RAI1: variants seen among roughly 807,000 people sequenced by gnomAD.
RAI1 encodes retinoic acid-induced protein 1.
Under a neutral mutation model 123.8 loss-of-function variants are expected in RAI1, and 9 were observed. The ratio of observed to expected loss-of-function variants is 0.07; its 90% confidence interval spans 0.04 to 0.13. RAI1 has a LOEUF of 0.13. Ranked by LOEUF, RAI1 falls within the 10% of genes least tolerant of loss-of-function variation. RAI1 has a pLI of 1.00. For synonymous variants in RAI1, 1,231 were observed against 1,127.3 expected (o/e 1.09, Z -1.84); for missense variants, 2,256 against 2,545.8 (o/e 0.89, Z 2.45).
chr17:17,694,738 G>A (rs1914956320), intron 1 of RAI1, among the ~76,000 whole-genome samples: 1 of 150,364 alleles, frequency 6.7e-6, no homozygotes, highest in African/African-American at 2.4e-5. Context: ...GGGACCTTCG[G>A]GGCGCTGAGG....
rs149171502 is a variant in RAI1 at position 17,687,199 on chromosome 17, G to A, written c.-149+5406G>A. On this transcript the variant is annotated intron_variant, in intron 1 of 5. Coordinates refer to ENST00000353383, the MANE Select transcript of RAI1 (RefSeq NM_030665.4). ...GTGATCAGGCTGGGGGAGAGAAGGT[G>A]CCCAGAATGCTGTGCAGAGGCAGGA... Among the ~76,000 whole-genome samples, 8 of 152,276 alleles carry A rather than the reference G, an allele frequency of 5.3e-5. No individual in the cohort carries two copies. The East Asian group carries it at 1.4e-3, about 26-fold the overall frequency.
chr17:17,770,432 G>T (rs896245100), intron 2 of RAI1, among the ~76,000 whole-genome samples: 2 of 152,206 alleles, frequency 1.3e-5, no homozygotes, highest in African/African-American at 2.4e-5. Context: ...TGGGATCCTT[G>T]CGTGTGCATA....
chr17:17,766,569 G>A (rs370358876), intron 2 of RAI1, among the ~76,000 whole-genome samples: 2 of 152,224 alleles, frequency 1.3e-5, no homozygotes, highest in Admixed American at 6.5e-5. Flanking sequence ...GCACTGGGGC[G>A]TGCTGGGGCC....
At chr17:17,705,705 G>A (rs1915371208) in intron 1 of RAI1, among the ~76,000 whole-genome samples, 1 of 150,730 alleles carries the variant, frequency 6.6e-6, no homozygotes, top group Non-Finnish European at 1.5e-5. Context: ...TGGCCTGGGC[G>A]ACAGTGCAAG....
chr17:17,761,250 C>G lies in RAI1; in HGVS notation c.-16-31683C>G, dbSNP rs377634505. Among the ~76,000 whole-genome samples, 110 of 146,026 alleles carry G rather than the reference C, an allele frequency of 7.5e-4. 1 individual carries two copies. Among genetic ancestry groups the G allele is most frequent in the African/African-American group, 2.3e-3 (90 of 39,558 alleles). On this transcript the variant is annotated intron_variant, in intron 2 of 5. Transcript: ENST00000353383. Reference sequence around the variant, plus strand: ...GCAAATGAAAATGGTTCTTCTAAGGCTTTTTTTTTTTTTTTAACTAGTGCC... The same window carrying G: ...GCAAATGAAAATGGTTCTTCTAAGGGTTTTTTTTTTTTTTTAACTAGTGCC...
chr17:17,774,926 T>A (rs2031283673), intron 2 of RAI1, among the ~76,000 whole-genome samples: 1 of 152,172 alleles, frequency 6.6e-6, no homozygotes, highest in Non-Finnish European at 1.5e-5. Flanking sequence ...CAAGGCAGTG[T>A]CTGGGTGGGG....
At chr17:17,734,527 C>T (rs577527680) in intron 2 of RAI1, among the ~76,000 whole-genome samples, 1 of 152,202 alleles carries the variant, frequency 6.6e-6, no homozygotes, top group Non-Finnish European at 1.5e-5. Context: ...ACAAATGGTA[C>T]TTATCCTCCC....
intron 1 of RAI1, among the ~76,000 whole-genome samples, chr17:17,715,288 A>G (rs1347675139): frequency 2.0e-5 from 3 of 152,222 alleles, no homozygotes; most frequent in Non-Finnish European, 4.4e-5. Flanking sequence ...TGGAAGGTAA[A>G]TAAGCAGCCC....
chr17:17,803,271 G>C (rs1667114720), intron 3 of RAI1, among the ~76,000 whole-genome samples: 1 of 152,092 alleles, frequency 6.6e-6, no homozygotes. Context: ...CCATGTTTGT[G>C]GGCATGTGTA....
chr17:17,793,544 C>G lies in RAI1; in HGVS notation c.596C>G (p.Ser199Cys). 1 of 1,614,016 alleles carries G rather than the reference C, an allele frequency of 6.2e-7. No individual in the cohort carries two copies. The highest frequency in any genetic ancestry group is 8.5e-7 in the Non-Finnish European group (1 of 1,180,016). The change falls in exon 3 of 6, where the codon TCC becomes TGC. Residue 199 changes from serine (S) to cysteine (C), a missense_variant. Ser to Cys is a moderately radical substitution (Grantham distance 112). Around this residue, in one of 7 missense-constraint regions of RAI1, gnomAD observed 336 missense variants for 349.8 expected, o/e 0.96. Coordinates refer to ENST00000353383, the MANE Select transcript of RAI1 (RefSeq NM_030665.4). ...CAGAAGCTGCAGAACGACATTGCCT[C>G]CCCTCTGCCCTTCCCCCAGGGTACC... Reference protein sequence around the residue: ...QRQKLQNDIASPLPFPQGTHF... With the variant: ...QRQKLQNDIACPLPFPQGTHF...
At chr17:17,724,552 G>A (rs2142932705) in intron 2 of RAI1, among the ~76,000 whole-genome samples, 1 of 152,130 alleles carries the variant, frequency 6.6e-6, no homozygotes, top group African/African-American at 2.4e-5. Flanking sequence ...TGGCGGGGCT[G>A]GTGGCCACGG....
intron 2 of RAI1, among the ~76,000 whole-genome samples, chr17:17,763,853 T>G (rs1021133743): frequency 7.9e-5 from 12 of 152,214 alleles, no homozygotes; most frequent in African/African-American, 2.9e-4. Context: ...TGACCCTCAC[T>G]CATGCCAGGT....
chr17:17,774,276 C>G (rs1437492538), intron 2 of RAI1, among the ~76,000 whole-genome samples: 1 of 152,224 alleles, frequency 6.6e-6, no homozygotes, highest in Non-Finnish European at 1.5e-5. Flanking sequence ...AAGCGGAAGC[C>G]CAGCAAGTTG....
chr17:17,747,775 G>T (rs921494987), intron 2 of RAI1, among the ~76,000 whole-genome samples: 1 of 152,112 alleles, frequency 6.6e-6, no homozygotes, highest in African/African-American at 2.4e-5. Flanking sequence ...TCTCAAAAGG[G>T]CCAGTCTGGC....
At chr17:17,709,950 G>A (rs963576683) in intron 1 of RAI1, among the ~76,000 whole-genome samples, 2 of 152,148 alleles carry the variant, frequency 1.3e-5, no homozygotes, top group Non-Finnish European at 2.9e-5. Context: ...GCCCTGTGGC[G>A]GCGCACCTCA....
Position 17,795,735 on chromosome 17 carries a change from C to T in RAI1, c.2787C>T (p.Gly929=), listed in dbSNP as rs138584472. 12 of 1,613,456 alleles carry T rather than the reference C, an allele frequency of 7.4e-6. No individual in the cohort carries two copies. The East Asian group carries it at 1.8e-4, about 24-fold the overall frequency. Residue 929 remains glycine, a synonymous_variant, in exon 3 of 6, where the codon GGC becomes GGT. Coordinates refer to ENST00000353383, the MANE Select transcript of RAI1 (RefSeq NM_030665.4). This position sits in a 1 kb window ranked among gnomAD's most constrained non-coding sequence, Gnocchi z 5.9. ...CAGGGGAGTCCGTCATCCTGCTGGG[C>T]CCTACAGTGGGCACCGAGTCAAAGG... ...HLSGESVILL[G]PTVGTESKVQ...
Position 17,749,534 on chromosome 17 carries a change from T to C in RAI1, c.-17+25375T>C, listed in dbSNP as rs182399651. Among the ~76,000 whole-genome samples, 46 of 152,330 alleles carry C rather than the reference T, an allele frequency of 3.0e-4. No individual in the cohort carries two copies. In the East Asian group the frequency reaches 8.5e-3, roughly 28 times the overall value. ...TATTAGCATGGCCACAATTTAAATA[T>C]GAGGAAACTGAAATTCAGAGAGGGG... is the stretch of plus-strand genomic sequence containing the variant. On this transcript the variant is annotated intron_variant, in intron 2 of 5. Coordinates refer to ENST00000353383, the MANE Select transcript of RAI1 (RefSeq NM_030665.4).
chr17:17,746,917 G>A (rs1486112915), intron 2 of RAI1, among the ~76,000 whole-genome samples: 3 of 152,190 alleles, frequency 2.0e-5, no homozygotes, highest in Non-Finnish European at 4.4e-5. Flanking sequence ...TTACAGGCAT[G>A]AGCCACCACG....
chr17:17,752,367 T>TGACCTGTGGGCGGGGCC (rs2030221468), intron 2 of RAI1, among the ~76,000 whole-genome samples: 1 of 152,098 alleles, frequency 6.6e-6, no homozygotes, highest in Non-Finnish European at 1.5e-5. Context: ...GGGGCGGGGC[T>TGACCTGTGGGCGGGGCC]GACCTGTGGG....
Sources: allele counts gnomAD v4.1 joint callset (sites outside exome capture counted in the v4.1 genomes callset), GRCh38; gene constraint gnomAD v4.1.1; regional missense constraint gnomAD v4.1.1; non-coding constraint Gnocchi (gnomAD v3.1); transcripts MANE v1.5; gene names NCBI Gene and HGNC (gene_info 2026-07-23, HGNC 2026-07-21).